NSD3: variants seen among roughly 807,000 people sequenced by gnomAD.
The protein encoded by NSD3 is histone-lysine N-methyltransferase NSD3.
NSD3 carries 24 observed loss-of-function variants against 160.8 expected under a neutral mutation model. The observed-to-expected ratio is 0.15, with a 90% CI of 0.11 to 0.21. The LOEUF is 0.21. NSD3 is among the 10% of genes least tolerant of loss of function. The probability of loss-of-function intolerance (pLI) is 1.00; values close to 1 mark genes in which losing one functional copy is unlikely to be tolerated. For synonymous variants in NSD3, 520 were observed against 600.0 expected (o/e 0.87, Z 1.95); for missense variants, 1,157 against 1,735.9 (o/e 0.67, Z 5.93).
rs1426180531 is a variant in NSD3, at chr8:38,270,519, G to A, written c.*5122C>T. On this transcript the variant is annotated 3_prime_UTR_variant, in exon 24 of 24. Coordinates refer to ENST00000317025, the MANE Select transcript of NSD3 (RefSeq NM_023034.2). ...TGGCAATATAATTATCTTAACATAGGGCATGTAACAGGACAAATGAGATAA... is the reference window on the plus strand; with the variant it reads ...TGGCAATATAATTATCTTAACATAGAGCATGTAACAGGACAAATGAGATAA... 3 of 152,180 alleles carry A rather than the reference G, an allele frequency of 2.0e-5. No homozygotes were observed. Among genetic ancestry groups the A allele is most frequent in the Admixed American group, 2.0e-4 (3 of 15,292 alleles). The allele number at this position is 152,180 out of a possible 1,614,324, so 9.4% of individuals were successfully genotyped here. A position where few individuals can be genotyped will look rare whatever the true frequency, so the allele number is the denominator to read the frequency against.
chr8:38,303,437 GCAGA>G (rs750060834), intron 14 of NSD3: 76 of 980,140 alleles, frequency 7.8e-5, no homozygotes, highest in Non-Finnish European at 8.7e-5. Context: ...TGCTCCAAAG[GCAGA>G]CAGTCACATG....
intron 1 of NSD3, among the ~76,000 whole-genome samples, chr8:38,349,097 A>C (rs1303547059): frequency 2.6e-5 from 4 of 152,174 alleles, no homozygotes; most frequent in African/African-American, 2.4e-5. Flanking sequence ...TTTACATATA[A>C]ATTTTTAAAA....
At chr8:38,352,636 C>T (rs1057158727) in intron 1 of NSD3, among the ~76,000 whole-genome samples, 15 of 152,280 alleles carry the variant, frequency 9.9e-5, no homozygotes, top group African/African-American at 3.6e-4. Context: ...GATAGGGTCT[C>T]ACTCTGTTGC....
In NSD3 at chr8:38,288,138, C is replaced by G. The variant is rs774696937; in HGVS notation, c.3501+349G>C. On this transcript the variant is annotated intron_variant, in intron 19 of 23. Transcript: ENST00000317025. This position sits in a 1 kb window ranked among gnomAD's most constrained non-coding sequence, Gnocchi z 4.5. ...TCAAGGCTTGAGTGAGCTATGAACACGCCACTGTATTCCAGCATGGGTAAC... is the reference window on the plus strand; with the variant it reads ...TCAAGGCTTGAGTGAGCTATGAACAGGCCACTGTATTCCAGCATGGGTAAC... Among the ~76,000 whole-genome samples, 36 of 151,792 alleles carry G rather than the reference C, an allele frequency of 2.4e-4. No homozygotes were observed. The highest frequency in any genetic ancestry group is 3.2e-3 in the Middle Eastern group (1 of 316).
chr8:38,287,457 T>C (rs1319762178), intron 19 of NSD3, among the ~76,000 whole-genome samples: 2 of 152,284 alleles, frequency 1.3e-5, no homozygotes, highest in East Asian at 3.9e-4. Flanking sequence ...TTATTATATA[T>C]GTTTATAACT....
rs750579285 is a variant in NSD3, at chr8:38,331,494, T to G, written c.1002A>C (p.Lys334Asn). ...EKRVREYKGHKQYEELLAEAT... is the reference protein window; with the variant it reads ...EKRVREYKGHNQYEELLAEAT... ...CCTCAGCCAGTAATTCTTCATACTGTTTATGACCTTTATACTCTCGTACCC... is the reference window on the plus strand; with the variant it reads ...CCTCAGCCAGTAATTCTTCATACTGGTTATGACCTTTATACTCTCGTACCC... Residue 334 changes from lysine to asparagine, a missense_variant, in exon 5 of 24, where the codon AAA becomes AAC. By Grantham distance (94) the Lys-to-Asn change is moderately conservative. This residue lies in a region of NSD3 where 168 missense variants were observed against 208.1 expected (regional missense o/e 0.81). Coordinates refer to ENST00000317025, the MANE Select transcript of NSD3 (RefSeq NM_023034.2). 41 of 1,613,674 alleles carry G rather than the reference T, an allele frequency of 2.5e-5. No individual in the cohort carries two copies. The highest frequency in any genetic ancestry group is 3.4e-5 in the Non-Finnish European group (40 of 1,179,892).
chr8:38,304,500 G>A, intron 14 of NSD3, 87 bp downstream of exon 14: 20 of 1,383,268 alleles, frequency 1.4e-5, no homozygotes, highest in Non-Finnish European at 2.0e-5. Flanking sequence ...GATGGCCTGA[G>A]TTCTTTCCCA....
intron 1 of NSD3, among the ~76,000 whole-genome samples, chr8:38,376,260 T>C (rs1297664181): frequency 1.3e-5 from 2 of 152,178 alleles, no homozygotes; most frequent in African/African-American, 4.8e-5. Context: ...CAATTCATTT[T>C]TGCATGTAAA....
At chr8:38,305,195 T>C in intron 13 of NSD3, 53 bp downstream of exon 13, 1 of 1,569,362 alleles carries the variant, frequency 6.4e-7, no homozygotes, top group Admixed American at 1.7e-5. Context: ...GATAATGTTA[T>C]TTGCCACTGC....
At chr8:38,346,371 A>G (rs567244052) in intron 2 of NSD3, among the ~76,000 whole-genome samples, 1 of 147,312 alleles carries the variant, frequency 6.8e-6, no homozygotes, top group African/African-American at 2.5e-5. Flanking sequence ...GTATATATGT[A>G]TATATATGTA....
rs374411182 is a variant in NSD3 at position 38,326,743 on chromosome 8, T to A, written c.1695A>T (p.Thr565=). 6 of 1,613,282 alleles carry A rather than the reference T, an allele frequency of 3.7e-6. No homozygotes were observed. The African/African-American group carries it at 4.0e-5, about 11-fold the overall frequency. ...PTQSVSSPEA[T]SGSTGSVEKK... is the part of the protein sequence containing the mutation. ...ATTCATACCAACCTGTAGAACCAGA[T>A]GTTGCTTCAGGAGATGATACACTCT... The change falls in exon 7 of 24, where the codon ACA becomes ACT. Residue 565 remains threonine (T), a synonymous_variant. Transcript: ENST00000317025.
chr8:38,338,545 C>T lies in NSD3; in HGVS notation c.738G>A (p.Glu246=), dbSNP rs370505064. The change falls in exon 3 of 24, where the codon GAG becomes GAA. Residue 246 remains glutamate, a synonymous_variant. Transcript: ENST00000317025. ...CAGTAAAACAACTTACTGGGGCTTC[C>T]TCTTTTAGTACTGGTTCTTCCCTTG... The part of the protein sequence containing the change: ...EKPREEPVLK[E]EAPVQPILSS... 21 of 1,613,690 alleles carry T rather than the reference C, an allele frequency of 1.3e-5. No individual in the cohort carries two copies. Among genetic ancestry groups the T allele is most frequent in the Non-Finnish European group, 8.5e-7 (1 of 1,179,820 alleles).
chr8:38,346,414 G>A (rs1209717850), intron 2 of NSD3, among the ~76,000 whole-genome samples: 1 of 147,320 alleles, frequency 6.8e-6, no homozygotes, highest in African/African-American at 2.5e-5. Flanking sequence ...ATGTATATAT[G>A]TGTATATATA....
intron 2 of NSD3, among the ~76,000 whole-genome samples, chr8:38,339,680 C>A (rs1335717796): frequency 1.3e-5 from 2 of 149,490 alleles, no homozygotes; most frequent in Non-Finnish European, 3.0e-5. Context: ...GAGCCGAGAT[C>A]ATGCCACTGC....
chr8:38,313,203 GTATT>G (rs942666421), intron 12 of NSD3, among the ~76,000 whole-genome samples: 2 of 152,118 alleles, frequency 1.3e-5, no homozygotes, highest in Non-Finnish European at 2.9e-5. Context: ...ATGTGTGTGT[GTATT>G]TGTGTGTGTG....
At chr8:38,350,454 T>G (rs773122667) in intron 1 of NSD3, among the ~76,000 whole-genome samples, 28 of 152,260 alleles carry the variant, frequency 1.8e-4, no homozygotes, top group Non-Finnish European at 3.7e-4. Context: ...GAGCATTTTT[T>G]CGTGTGTCTG....
chr8:38,297,393 CAA>C (rs1809176802), intron 15 of NSD3, among the ~76,000 whole-genome samples: 2 of 152,100 alleles, frequency 1.3e-5, no homozygotes, highest in Admixed American at 1.3e-4. Context: ...ATAATAAAGA[CAA>C]ATATTTATTG....
rs1298216903 is a variant in NSD3, at chr8:38,318,940, C to T, written c.1810G>A (p.Val604Ile). The T allele has an allele frequency of 6.2e-7, 1 of 1,607,726 alleles. No individual in the cohort carries two copies. Among genetic ancestry groups the T allele is most frequent in the Admixed American group, 1.7e-5 (1 of 57,836 alleles). The change falls in exon 9 of 24, where the codon GTT (valine) becomes ATT (isoleucine). Residue 604 changes from valine to isoleucine, a missense_variant and splice_region_variant. By Grantham distance (29) the Val-to-Ile change is conservative. Around this residue, in one of 10 missense-constraint regions of NSD3, gnomAD observed 102 missense variants for 126.5 expected, o/e 0.81. Coordinates refer to ENST00000317025, the MANE Select transcript of NSD3 (RefSeq NM_023034.2). This position sits in a 1 kb window ranked among gnomAD's most constrained non-coding sequence, Gnocchi z 5.3. ...ACTGTAGCCTGAGGAACTGTTTCAA[C>T]CTGTTTGGACAGAAAAATACAGCAT... ...VPKKKIKKEQ[V>I]ETVPQATVKT...
chr8:38,368,935 T>C lies in NSD3; in HGVS notation c.-45+12864A>G, dbSNP rs572075537. 1.9e-4 allele frequency among the ~76,000 whole-genome samples: 29 copies of C among 152,344 alleles called. 2 individuals are homozygous for C. In the South Asian group the frequency reaches 5.8e-3, roughly 30 times the overall value. On this transcript the variant is annotated intron_variant, in intron 1 of 23. Coordinates refer to ENST00000317025, the MANE Select transcript of NSD3 (RefSeq NM_023034.2). ...ATTTCCTGGACAAACTTTTAAATTA[T>C]GGTAAAATGGTTTGAGATTGGTTCT...
Sources: allele counts gnomAD v4.1 joint callset (sites outside exome capture counted in the v4.1 genomes callset), GRCh38; gene constraint gnomAD v4.1.1; regional missense constraint gnomAD v4.1.1; non-coding constraint Gnocchi (gnomAD v3.1); transcripts MANE v1.5; gene names NCBI Gene and HGNC (gene_info 2026-07-23, HGNC 2026-07-21).